Variants in CALN1 observed in about 807,000 individuals in gnomAD.
CALN1 encodes calcium-binding protein 8.
Under a neutral mutation model 30.6 loss-of-function variants are expected in CALN1, and 17 were observed. That is an observed-to-expected ratio of 0.56 (90% CI 0.38 to 0.83). CALN1 has a LOEUF of 0.83. Ranked by LOEUF, CALN1 falls within the 40% of genes least tolerant of loss-of-function variation. The probability of loss-of-function intolerance (pLI) is 0.00; values close to 1 mark genes in which losing one functional copy is unlikely to be tolerated. For missense variants in CALN1, 291 were observed against 354.9 expected (o/e 0.82, Z 1.45); for synonymous variants, 156 against 131.4 (o/e 1.19, Z -1.28).
intron 5 of CALN1, among the ~76,000 whole-genome samples, chr7:71,975,344 C>T (rs1236743948): frequency 1.3e-5 from 2 of 152,160 alleles, no homozygotes; most frequent in African/African-American, 4.8e-5. Flanking sequence ...CCATCCACCA[C>T]CTCCCTTGTT....
the CALN1 span, among the ~76,000 whole-genome samples, chr7:72,486,774 T>C: frequency 1.3e-5 from 2 of 152,316 alleles, no homozygotes; most frequent in Non-Finnish European, 1.5e-5. Context: ...ATTAAAGTCA[T>C]TTATATTTTC....
At chr7:72,058,310 C>CTTATTTTTT (rs1803408138) in intron 4 of CALN1, among the ~76,000 whole-genome samples, 1 of 70,746 alleles carries the variant, frequency 1.4e-5, no homozygotes, top group African/African-American at 5.8e-5. Flanking sequence ...AAGCTGGAAT[C>CTTATTTTTT]TTTTTTTTTT....
intron 3 of CALN1, among the ~76,000 whole-genome samples, chr7:72,115,416 T>G (rs1023568271): frequency 6.7e-6 from 1 of 149,204 alleles, no homozygotes; most frequent in Non-Finnish European, 1.5e-5. Context: ...GTCAAAAATA[T>G]AATTTACCAT....
chr7:71,971,914 G>C (rs1453335992), intron 5 of CALN1, among the ~76,000 whole-genome samples: 1 of 94,526 alleles, frequency 1.1e-5, no homozygotes, highest in Non-Finnish European at 1.9e-5. Flanking sequence ...CTGAGCAACA[G>C]AGTGGGACCC....
chr7:72,357,522 A>G (rs2129559586), intron 2 of CALN1, among the ~76,000 whole-genome samples: 1 of 151,908 alleles, frequency 6.6e-6, no homozygotes, highest in Admixed American at 6.6e-5. Context: ...CCCTAATCAA[A>G]TCTCAGGGCT....
Position 72,091,837 on chromosome 7 carries a change from A to G in CALN1, c.388+14314T>C, listed in dbSNP as rs115339684. ...TCCAATATTTTAACAGGAGAAATGT[A>G]TATTTTTAATGTGAGATTTTCTGCT... On this transcript the variant is annotated intron_variant, in intron 4 of 6. Transcript: ENST00000395275. 5.4e-3 allele frequency among the ~76,000 whole-genome samples: 815 copies of G among 152,314 alleles called. 8 individuals are homozygous for G. The highest frequency in any genetic ancestry group is 0.019 in the African/African-American group (777 of 41,568).
intron 3 of CALN1, among the ~76,000 whole-genome samples, chr7:72,147,806 G>A (rs1454615675): frequency 6.6e-6 from 1 of 151,882 alleles, no homozygotes; most frequent in Non-Finnish European, 1.5e-5. Flanking sequence ...TAGGGACATG[G>A]ATGAAGCTGG....
At chr7:72,260,804 G>A (rs935119735) in intron 3 of CALN1, among the ~76,000 whole-genome samples, 1 of 152,086 alleles carries the variant, frequency 6.6e-6, no homozygotes, top group African/African-American at 2.4e-5. Context: ...GCACCAGATG[G>A]CAGAGAAGCA....
chr7:71,832,986 A>T (rs1378056573), intron 5 of CALN1, among the ~76,000 whole-genome samples: 1 of 152,178 alleles, frequency 6.6e-6, no homozygotes, highest in Non-Finnish European at 1.5e-5. Flanking sequence ...TATGCCAGCC[A>T]TTCTACTTAG....
At chr7:71,809,464 C>CAAAAAAAAAAAAAAAAAAA (rs10682965) in intron 6 of CALN1, among the ~76,000 whole-genome samples, 28 of 108,340 alleles carry the variant, frequency 2.6e-4, no homozygotes, top group East Asian at 7.8e-4. Flanking sequence ...TTTAAATGTT[C>CAAAAAAAAAAAAAAAAAAA]AAAAAAAAAA....
At chr7:71,827,930 G>C (rs1346797140) in intron 5 of CALN1, among the ~76,000 whole-genome samples, 1 of 152,082 alleles carries the variant, frequency 6.6e-6, no homozygotes, top group Non-Finnish European at 1.5e-5. Flanking sequence ...GGACCAGCAA[G>C]AGCAAAGACC....
chr7:71,851,132 C>A (rs368862053), intron 5 of CALN1, among the ~76,000 whole-genome samples: 5 of 150,950 alleles, frequency 3.3e-5, no homozygotes, highest in African/African-American at 1.2e-4. Flanking sequence ...GTGAGGGTTG[C>A]GTGAACCCAA....
rs76145393 is a variant in CALN1, at chr7:71,873,106, C to T, written c.502-62614G>A. ...GCAGCCTTTGCCTCCCGGATTCAAG[C>T]GATTCTCCTGCCTCAGCGTCTTGAG... On this transcript the variant is annotated intron_variant, in intron 5 of 6. Coordinates refer to ENST00000395275, the MANE Select transcript of CALN1 (RefSeq NM_031468.4). Among the ~76,000 whole-genome samples the T allele has an allele frequency of 1.1e-3, 162 of 147,804 alleles. 4 individuals are homozygous for T. In the East Asian group the frequency reaches 0.026, roughly 24 times the overall value.
intron 2 of CALN1, among the ~76,000 whole-genome samples, chr7:72,280,193 CTCTATT>C (rs1797642722): frequency 6.6e-6 from 1 of 152,186 alleles, no homozygotes; most frequent in Admixed American, 6.5e-5. Flanking sequence ...TTTCTGGTTT[CTCTATT>C]TCTATCAAAG....
chr7:72,340,876 T>G (rs1802348079), intron 2 of CALN1, among the ~76,000 whole-genome samples: 1 of 151,968 alleles, frequency 6.6e-6, no homozygotes. Flanking sequence ...TTCACTTGGC[T>G]CTCTCTCTCT....
At chr7:72,047,632 G>A (rs1379050971) in intron 4 of CALN1, among the ~76,000 whole-genome samples, 2 of 152,142 alleles carry the variant, frequency 1.3e-5, no homozygotes, top group Non-Finnish European at 2.9e-5. Context: ...CTTCAGTGAG[G>A]AGAACAAACA....
intron 3 of CALN1, among the ~76,000 whole-genome samples, chr7:72,183,166 C>T (rs1485274842): frequency 6.6e-6 from 1 of 152,028 alleles, no homozygotes; most frequent in Non-Finnish European, 1.5e-5. Flanking sequence ...CTGGTTCAAG[C>T]GATTTTCATG....
rs1239297513 is a variant in CALN1 at position 72,102,107 on chromosome 7, G to A, written c.388+4044C>T. 4.6e-5 allele frequency among the ~76,000 whole-genome samples: 7 copies of A among 152,158 alleles called. 1 individual carries two copies. In the East Asian group the frequency reaches 7.7e-4, roughly 17 times the overall value. On this transcript the variant is annotated intron_variant, in intron 4 of 6. Coordinates refer to ENST00000395275, the MANE Select transcript of CALN1 (RefSeq NM_031468.4). ...TACAATGGCACGATCTTGGCTCACC[G>A]CAACCTCCGCCTCCTGTGCCCAGTC... is the stretch of plus-strand genomic sequence containing the variant.
intron 1 of CALN1, among the ~76,000 whole-genome samples, chr7:72,432,229 ACT>A (rs1808001751): frequency 6.6e-6 from 1 of 151,500 alleles, no homozygotes; most frequent in Non-Finnish European, 1.5e-5. Flanking sequence ...TCCTGCCTAC[ACT>A]CTCTTGCCTG....
Sources: gnomAD v4.1 joint callset for allele counts (sites outside exome capture counted in the v4.1 genomes callset) on GRCh38, gnomAD v4.1.1 for gene constraint, MANE v1.5 for transcripts, NCBI Gene and HGNC (gene_info 2026-07-23, HGNC 2026-07-21) for gene names.